RBFOX1: variants seen among roughly 807,000 people sequenced by gnomAD.
The protein encoded by RBFOX1 is RNA binding protein fox-1 homolog 1.
In RBFOX1, 8 loss-of-function variants were observed where a neutral mutation model predicts 57.7. That is an observed-to-expected ratio of 0.14 (90% confidence interval 0.08 to 0.25). The LOEUF is 0.25. RBFOX1 is among the 10% of genes least tolerant of loss of function. The pLI is 1.00. For missense variants in RBFOX1, 611 were observed against 548.5 expected (o/e 1.11, Z -1.14); for synonymous variants, 326 against 222.4 (o/e 1.47, Z -4.15).
chr16:6,984,382 C>T (rs1418385626), intron 3 of RBFOX1, among the ~76,000 whole-genome samples: 1 of 152,160 alleles, frequency 6.6e-6, no homozygotes, highest in African/African-American at 2.4e-5. Context: ...CTACATCCTA[C>T]AGCACTACTG....
At chr16:5,713,296 G>A (rs1443851113) in intron 3 of RBFOX1, among the ~76,000 whole-genome samples, 1 of 152,190 alleles carries the variant, frequency 6.6e-6, no homozygotes, top group Non-Finnish European at 1.5e-5. Flanking sequence ...CGATGAGGGA[G>A]AGAGAAGGAG....
intron 1 of RBFOX1, among the ~76,000 whole-genome samples, chr16:5,325,567 C>T (rs1245662643): frequency 1.3e-5 from 2 of 152,230 alleles, no homozygotes; most frequent in Non-Finnish European, 2.9e-5. Flanking sequence ...CACCCCCAAA[C>T]ACTACCCTGT....
intron 2 of RBFOX1, among the ~76,000 whole-genome samples, chr16:6,549,663 G>A (rs1233985735): frequency 6.6e-6 from 1 of 152,024 alleles, no homozygotes; most frequent in Non-Finnish European, 1.5e-5. Flanking sequence ...GCCTACTTCT[G>A]AGCAAATCCC....
intron 4 of RBFOX1, among the ~76,000 whole-genome samples, chr16:7,216,100 G>A (rs181585506): frequency 2.0e-5 from 3 of 152,218 alleles, no homozygotes; most frequent in Admixed American, 6.5e-5. Flanking sequence ...TAATGCTTAC[G>A]GGGTTCATCC....
At chr16:7,521,363 A>G (rs1007515911) in intron 5 of RBFOX1, among the ~76,000 whole-genome samples, 1 of 152,206 alleles carries the variant, frequency 6.6e-6, no homozygotes, top group Non-Finnish European at 1.5e-5. Context: ...TCCACGTTAT[A>G]AGCAATGGGA....
chr16:6,000,780 G>T (rs578086087), intron 4 of RBFOX1, among the ~76,000 whole-genome samples: 1 of 142,440 alleles, frequency 7.0e-6, no homozygotes, highest in Admixed American at 7.0e-5. Context: ...CAGGTAGATG[G>T]ATAGGTGAAT....
chr16:7,061,053 C>G (rs1209519552), intron 4 of RBFOX1, among the ~76,000 whole-genome samples: 1 of 151,358 alleles, frequency 6.6e-6, no homozygotes, highest in African/African-American at 2.4e-5. Flanking sequence ...TGCACGTGCA[C>G]ACATACAAGG....
At chr16:5,575,387 T>C (rs140533481) in intron 2 of RBFOX1, among the ~76,000 whole-genome samples, 1 of 152,202 alleles carries the variant, frequency 6.6e-6, no homozygotes, top group African/African-American at 2.4e-5. Context: ...GCCCTGCGTG[T>C]CCTCTGTCTT....
chr16:6,626,288 C>G (rs142486139), intron 2 of RBFOX1, among the ~76,000 whole-genome samples: 2 of 152,180 alleles, frequency 1.3e-5, no homozygotes, highest in Admixed American at 1.3e-4. Flanking sequence ...CCATGTGACT[C>G]TTGCACTAGA....
chr16:5,942,269 G>C (rs1201629464), intron 4 of RBFOX1, among the ~76,000 whole-genome samples: 1 of 152,106 alleles, frequency 6.6e-6, no homozygotes, highest in Non-Finnish European at 1.5e-5. Context: ...AGTTTGATTG[G>C]CAGGGGACTA....
Position 6,270,685 on chromosome 16 carries a change from CAGAAGGATAA to C in RBFOX1, c.-126-46305_-126-46296del, listed in dbSNP as rs371447351. Among the ~76,000 whole-genome samples the C allele has an allele frequency of 5.4e-3, 818 of 152,244 alleles. 3 individuals carry two copies. Among genetic ancestry groups the C allele is most frequent in the Middle Eastern group, 0.02 (6 of 294 alleles). ...TTAATAGGAAAACTAGACTGAAAAT[CAGAAGGATAA>C]AGAACAATGCAACCATTATCCATCA... On this transcript the variant is annotated intron_variant, in intron 1 of 15. Coordinates refer to ENST00000550418, the MANE Select transcript of RBFOX1 (RefSeq NM_018723.4).
At chr16:7,123,082 G>A (rs1347944531) in intron 4 of RBFOX1, among the ~76,000 whole-genome samples, 2 of 152,098 alleles carry the variant, frequency 1.3e-5, no homozygotes, top group African/African-American at 2.4e-5. Flanking sequence ...TAGCACAAGA[G>A]AGTTTTTGGG....
At chr16:6,250,800 C>T (rs896719039) in intron 1 of RBFOX1, among the ~76,000 whole-genome samples, 1 of 152,228 alleles carries the variant, frequency 6.6e-6, no homozygotes, top group Admixed American at 6.5e-5. Context: ...AATTAATCCC[C>T]CAAATGGCAG....
At chr16:7,457,513 G>A (rs1412750138) in intron 4 of RBFOX1, among the ~76,000 whole-genome samples, 1 of 152,158 alleles carries the variant, frequency 6.6e-6, no homozygotes, top group Non-Finnish European at 1.5e-5. Context: ...TACTTAAGTG[G>A]TGAGATGTTT....
At chr16:7,251,743 C>T (rs892020871) in intron 4 of RBFOX1, among the ~76,000 whole-genome samples, 25 of 152,046 alleles carry the variant, frequency 1.6e-4, no homozygotes, top group Admixed American at 6.6e-4. Flanking sequence ...TGTCAGTGCA[C>T]GCTTAGGTTG....
At chr16:6,820,365 A>C (rs1027078202) in intron 3 of RBFOX1, among the ~76,000 whole-genome samples, 2 of 152,204 alleles carry the variant, frequency 1.3e-5, no homozygotes, top group Admixed American at 1.3e-4. Context: ...AGGATTGTTC[A>C]GGTAACTGTG....
In RBFOX1 at chr16:6,666,278, A is replaced by G. The variant is rs137904324; in HGVS notation, c.-16+11628A>G. Among the ~76,000 whole-genome samples the G allele has an allele frequency of 3.8e-3, 577 of 152,308 alleles. 4 individuals carry two copies. The highest frequency in any genetic ancestry group is 0.013 in the African/African-American group (552 of 41,562). ...GCCGGGCACAGTGGCTCATGCCTAT[A>G]ATCCCAGCACTTTGGGAGGCTTAGG... is the stretch of plus-strand genomic sequence containing the variant. On this transcript the variant is annotated intron_variant, in intron 3 of 15. Coordinates refer to ENST00000550418, the MANE Select transcript of RBFOX1 (RefSeq NM_018723.4).
At chr16:5,510,905 T>A (rs1368600960) in intron 2 of RBFOX1, among the ~76,000 whole-genome samples, 1 of 152,164 alleles carries the variant, frequency 6.6e-6, no homozygotes, top group Admixed American at 6.5e-5. Flanking sequence ...TATCCCCAGG[T>A]TGAGAACTAC....
At chr16:5,715,474 C>G (rs1478095862) in intron 3 of RBFOX1, among the ~76,000 whole-genome samples, 1 of 152,230 alleles carries the variant, frequency 6.6e-6, no homozygotes, top group African/African-American at 2.4e-5. Context: ...CAAGGAGATA[C>G]ACATACATCA....
Sources: allele counts gnomAD v4.1 joint callset (sites outside exome capture counted in the v4.1 genomes callset), GRCh38; gene constraint gnomAD v4.1.1; transcripts MANE v1.5; gene names NCBI Gene and HGNC (gene_info 2026-07-23, HGNC 2026-07-21).